Variants in FIGNL1 observed in about 807,000 individuals in gnomAD.
FIGNL1 encodes fidgetin like 1, also known as fidgetin-like protein 1.
Under a neutral mutation model 28.9 loss-of-function variants are expected in FIGNL1, and 11 were observed. The ratio of observed to expected loss-of-function variants is 0.38; its 90% CI spans 0.24 to 0.63. The LOEUF is 0.63. FIGNL1 is among the 20% of genes least tolerant of loss of function. FIGNL1 has a pLI of 0.57. For synonymous variants in FIGNL1, 295 were observed against 276.5 expected, an observed-to-expected ratio of 1.07 and a Z score of -0.66; for missense variants, 789 against 810.4, an observed-to-expected ratio of 0.97 and a Z score of 0.32.
rs1172173914 is a variant in FIGNL1 at position 50,445,077 on chromosome 7, T to C, written c.*186A>G. 1 of 397,298 alleles carries C rather than the reference T, an allele frequency of 2.5e-6. No homozygotes were observed. Among genetic ancestry groups the C allele is most frequent in the Non-Finnish European group, 4.4e-6 (1 of 226,834 alleles). 24.6% of individuals were successfully genotyped at this position (397,298 alleles called of 1,614,324 possible). A position where few individuals can be genotyped will look rare whatever the true frequency, so the allele number is the denominator to read the frequency against. ...TGTTCAAATAGGCTTACGTATCAGGTAATCACTGGAAAGCAAAACTTACAT... is the reference window on the plus strand; with the variant it reads ...TGTTCAAATAGGCTTACGTATCAGGCAATCACTGGAAAGCAAAACTTACAT... On this transcript the variant is annotated 3_prime_UTR_variant, in exon 4 of 4. Transcript: ENST00000433017.
chr7:50,450,300 C>T lies in FIGNL1; in HGVS notation c.-726+1G>A, dbSNP rs1051942501. ...CCCCGCCTCCCGTCACCGCATCCTA[C>T]CTGCGGCTGGTGTGGGACGCTGGCA... On this transcript the variant is annotated splice_donor_variant, in intron 1 of 3. Transcript: ENST00000433017. LOFTEE classifies it low-confidence loss of function (5UTR_SPLICE). 2 of 152,446 alleles carry T rather than the reference C, an allele frequency of 1.3e-5. No homozygotes were observed. The highest frequency in any genetic ancestry group is 4.8e-5 in the African/African-American group (2 of 41,484). The allele number at this position is 152,446 out of a possible 1,614,324, so 9.4% of individuals were successfully genotyped here. A position where few individuals can be genotyped will look rare whatever the true frequency, so the allele number is the denominator to read the frequency against.
chr7:50,447,385 A>G, intron 3 of FIGNL1, 88 bp from the exon 4 acceptor site: 1 of 917,864 alleles, frequency 1.1e-6, no homozygotes, highest in African/African-American at 1.7e-5. Context: ...GCTAATCTGA[A>G]GGAAGGGACA....
At chr7:50,448,319 C>T (rs1821399217) in intron 2 of FIGNL1, 30 bp from the exon 3 acceptor site, 1 of 152,176 alleles carries the variant, frequency 6.6e-6, no homozygotes, top group Non-Finnish European at 1.5e-5. Flanking sequence ...GCATGGATCA[C>T]AAATTTAAAC....
In FIGNL1 at chr7:50,445,568, T is replaced by C. The variant is rs759321658; in HGVS notation, c.1720A>G (p.Lys574Glu). ...YIPLPEASARKQIVINLMSKE... is the reference protein window; with the variant it reads ...YIPLPEASAREQIVINLMSKE... ...GACATTAGATTAATTACTATCTGTTTCCTGGCTGAAGCTTCTGGGAGGGGA... is the reference window on the plus strand; with the variant it reads ...GACATTAGATTAATTACTATCTGTTCCCTGGCTGAAGCTTCTGGGAGGGGA... Residue 574 changes from lysine to glutamate, a missense_variant, in exon 4 of 4, where the codon AAA becomes GAA. By Grantham distance (56) the Lys-to-Glu change is moderately conservative. Transcript: ENST00000433017. The C allele has an allele frequency of 6.2e-7, 1 of 1,614,242 alleles. No homozygotes were observed. The highest frequency in any genetic ancestry group is 1.1e-5 in the South Asian group (1 of 91,078).
In FIGNL1 at chr7:50,446,707, G is replaced by T. The variant is rs1386173737; in HGVS notation, c.581C>A (p.Thr194Asn). ...LLQNAQPPMV[T>N]NTARTCPTFS... is the part of the protein sequence containing the mutation. ...TGTAGGACAAGTCCTAGCAGTGTTA[G>T]TCACCATAGGTGGCTGGGCATTCTG... The change falls in exon 4 of 4, where the codon ACT becomes AAT. Residue 194 changes from threonine (T) to asparagine (N), a missense_variant. Thr to Asn is a moderately conservative substitution (Grantham distance 65). Transcript: ENST00000433017. 2 of 1,614,242 alleles carry T rather than the reference G, an allele frequency of 1.2e-6. No individual in the cohort carries two copies.
intron 2 of FIGNL1, 125 bp downstream of exon 2, chr7:50,448,993 G>A (rs1821523693): frequency 6.6e-6 from 1 of 152,118 alleles, no homozygotes; most frequent in Non-Finnish European, 1.5e-5. Flanking sequence ...CTAGAAATGA[G>A]AAACTGAAAG....
intron 3 of FIGNL1, among the ~76,000 whole-genome samples, chr7:50,447,531 A>G: frequency 6.6e-6 from 1 of 152,226 alleles, no homozygotes. Flanking sequence ...ATAATAATTT[A>G]TATGAGTTAA....
In FIGNL1 at chr7:50,446,282, T is replaced by C; in HGVS notation, c.1006A>G (p.Ile336Val). ...ATAGGAGGAACAAACTTTCCAAGTA[T>C]CCCTCGGGATCTACTAGCTCCTAGA... is the stretch of plus-strand genomic sequence containing the variant. ...KSLGASRSRGILGKFVPPIPK... is the reference protein window; with the variant it reads ...KSLGASRSRGVLGKFVPPIPK... The change falls in exon 4 of 4, where the codon ATA becomes GTA. Residue 336 changes from isoleucine to valine, a missense_variant. Transcript: ENST00000433017. 2 of 1,614,166 alleles carry C rather than the reference T, an allele frequency of 1.2e-6. No homozygotes were observed. Among genetic ancestry groups the C allele is most frequent in the Non-Finnish European group, 1.7e-6 (2 of 1,180,022 alleles).
intron 3 of FIGNL1, among the ~76,000 whole-genome samples, chr7:50,447,592 A>G (rs1379248923): frequency 6.6e-6 from 1 of 151,930 alleles, no homozygotes; most frequent in Non-Finnish European, 1.5e-5. Flanking sequence ...CATAAGGTTT[A>G]AAATTAATTT....
chr7:50,447,281 T>G lies in FIGNL1; in HGVS notation c.7A>C (p.Thr3Pro). The change falls in exon 4 of 4, where the codon ACC becomes CCC. Residue 3 changes from threonine to proline, a missense_variant. By Grantham distance (38) the Thr-to-Pro change is conservative (BLOSUM62 -1). Coordinates refer to ENST00000433017, the MANE Select transcript of FIGNL1 (RefSeq NM_001287492.4). MQ[T>P]SSSRSVHLSE... The stretch of plus-strand genomic sequence containing the variant: ...AGGTGCACAGATCTAGAGCTGGAGG[T>G]CTGCATTTTAGAGGTTCTATAACAA... 6.3e-7 allele frequency: 1 copy of G among 1,579,216 alleles called. No individual in the cohort carries two copies. Among genetic ancestry groups the G allele is most frequent in the East Asian group, 2.3e-5 (1 of 44,276 alleles).
chr7:50,445,762 C>T lies in FIGNL1; in HGVS notation c.1526G>A (p.Arg509Gln). The T allele has an allele frequency of 2.5e-6, 4 of 1,614,168 alleles. No individual in the cohort carries two copies. The highest frequency in any genetic ancestry group is 1.1e-5 in the South Asian group (1 of 91,078). ...AGAAGATTCATGCTCACCATCTCCCCGTTGAGATAACAAGGAATCAATTTC... is the reference window on the plus strand; with the variant it reads ...AGAAGATTCATGCTCACCATCTCCCTGTTGAGATAACAAGGAATCAATTTC... Reference protein sequence around the residue: ...IDEIDSLLSQRGDGEHESSRR... With the variant: ...IDEIDSLLSQQGDGEHESSRR... The change falls in exon 4 of 4, where the codon CGG becomes CAG. Residue 509 changes from arginine to glutamine, a missense_variant. Arg to Gln is a conservative substitution (Grantham distance 43, BLOSUM62 1). Coordinates refer to ENST00000433017, the MANE Select transcript of FIGNL1 (RefSeq NM_001287492.4).
At position 50,449,514 on chromosome 7, in the gene FIGNL1, C is replaced by T. The variant is rs1233034982; in HGVS notation, c.-516G>A. On this transcript the variant is annotated 5_prime_UTR_variant, in exon 2 of 4. Transcript: ENST00000433017. The stretch of plus-strand genomic sequence containing the variant: ...TGTCTTAGTACCTAGAATACAGTGT[C>T]CTTTGGAATAATAGCTACTAAAATA... The T allele has an allele frequency of 6.6e-6, 1 of 152,194 alleles. No homozygotes were observed. Among genetic ancestry groups the T allele is most frequent in the Non-Finnish European group, 1.5e-5 (1 of 68,050 alleles). 9.4% of individuals were successfully genotyped at this position (152,194 alleles called of 1,614,324 possible).
chr7:50,445,527 G>A lies in FIGNL1; in HGVS notation c.1761C>T (p.Cys587=). 1.2e-6 allele frequency: 2 copies of A among 1,614,172 alleles called. No homozygotes were observed. Among genetic ancestry groups the A allele is most frequent in the Non-Finnish European group, 1.7e-6 (2 of 1,180,032 alleles). ...VINLMSKEQC[C]LSEEEIEQIV... is the part of the protein sequence containing the mutation. ...TCTGTTCAATTTCTTCTTCACTGAG[G>A]CAACACTGCTCTTTGGACATTAGAT... Residue 587 remains cysteine, a synonymous_variant, in exon 4 of 4, where the codon TGC becomes TGT. Coordinates refer to ENST00000433017, the MANE Select transcript of FIGNL1 (RefSeq NM_001287492.4).
chr7:50,446,370 C>T lies in FIGNL1; in HGVS notation c.918G>A (p.Gln306=). 1.2e-6 allele frequency: 2 copies of T among 1,614,044 alleles called. No homozygotes were observed. Among genetic ancestry groups the T allele is most frequent in the Non-Finnish European group, 1.7e-6 (2 of 1,179,984 alleles). The part of the protein sequence containing the change: ...KTAKEQLWVD[Q]QKKYHQPQRA... The stretch of plus-strand genomic sequence containing the variant: ...GCTGAGGTTGGTGGTACTTTTTTTG[C>T]TGATCTACCCATAATTGTTCTTTTG... The change falls in exon 4 of 4, where the codon CAG becomes CAA. Residue 306 remains glutamine (Q), a synonymous_variant. Coordinates refer to ENST00000433017, the MANE Select transcript of FIGNL1 (RefSeq NM_001287492.4).
chr7:50,446,192 T>C lies in FIGNL1; in HGVS notation c.1096A>G (p.Thr366Ala), dbSNP rs372491748. Residue 366 changes from threonine (T) to alanine (A), a missense_variant, in exon 4 of 4, where the codon ACA becomes GCA. Transcript: ENST00000433017. ...TCATCAACTGGATGTGCTGGTTCTG[T>C]AGGTCCTGCCCCATAAGGCTTACAT... ...MQCKPYGAGP[T>A]EPAHPVDERL... is the part of the protein sequence containing the mutation. 3.7e-6 allele frequency: 6 copies of C among 1,614,220 alleles called. No homozygotes were observed. The highest frequency in any genetic ancestry group is 5.1e-6 in the Non-Finnish European group (6 of 1,180,026).
rs1820342415 is a variant in FIGNL1, at chr7:50,444,831, C to T, written c.*432G>A. On this transcript the variant is annotated 3_prime_UTR_variant, in exon 4 of 4. Transcript: ENST00000433017. ...CTTTAGCTTTGAGATCTTAAATCTA[C>T]TTAAATAACACTAAGCAATACTTTG... The T allele has an allele frequency of 6.6e-6, 1 of 152,434 alleles. No homozygotes were observed. Among genetic ancestry groups the T allele is most frequent in the African/African-American group, 2.4e-5 (1 of 41,450 alleles). 9.4% of individuals were successfully genotyped at this position (152,434 alleles called of 1,614,324 possible).
chr7:50,447,429 G>A (rs1221838774), intron 3 of FIGNL1, 132 bp from the exon 4 acceptor site: 3 of 627,738 alleles, frequency 4.8e-6, no homozygotes, highest in African/African-American at 3.7e-5. Context: ...GATTTATAAG[G>A]ACAGGTTATA....
In FIGNL1 at chr7:50,446,185, G is replaced by C; in HGVS notation, c.1103C>G (p.Pro368Arg). Reference sequence around the variant, plus strand: ...CAGACGCTCATCAACTGGATGTGCTGGTTCTGTAGGTCCTGCCCCATAAGG... The same window carrying C: ...CAGACGCTCATCAACTGGATGTGCTCGTTCTGTAGGTCCTGCCCCATAAGG... Reference protein sequence around the residue: ...CKPYGAGPTEPAHPVDERLKN... With the variant: ...CKPYGAGPTERAHPVDERLKN... Residue 368 changes from proline (P) to arginine (R), a missense_variant, in exon 4 of 4, where the codon CCA becomes CGA. Pro to Arg is a moderately radical substitution (Grantham distance 103). Coordinates refer to ENST00000433017, the MANE Select transcript of FIGNL1 (RefSeq NM_001287492.4). 6.2e-7 allele frequency: 1 copy of C among 1,614,166 alleles called. No homozygotes were observed. Among genetic ancestry groups the C allele is most frequent in the Non-Finnish European group, 8.5e-7 (1 of 1,180,028 alleles).
Position 50,446,147 on chromosome 7 carries a change from G to C in FIGNL1, c.1141C>G (p.Pro381Ala). The C allele has an allele frequency of 2.5e-6, 4 of 1,614,148 alleles. No individual in the cohort carries two copies. The South Asian group carries it at 4.4e-5, about 18-fold the overall frequency. Residue 381 changes from proline to alanine, a missense_variant, in exon 4 of 4, where the codon CCA becomes GCA. Pro to Ala is a conservative substitution (Grantham distance 27, BLOSUM62 -1). Transcript: ENST00000433017. ...PVDERLKNLE[P>A]KMIELIMNEI... Reference sequence around the variant, plus strand: ...TTCATAATAAGTTCAATCATCTTTGGCTCCAAGTTCTTCAGACGCTCATCA... The same window carrying C: ...TTCATAATAAGTTCAATCATCTTTGCCTCCAAGTTCTTCAGACGCTCATCA...
Sources: gnomAD v4.1 joint callset for allele counts (sites outside exome capture counted in the v4.1 genomes callset) on GRCh38, gnomAD v4.1.1 for gene constraint, MANE v1.5 for transcripts, NCBI Gene and HGNC (gene_info 2026-07-23, HGNC 2026-07-21) for gene names.